GUCY1A2: variants seen among roughly 807,000 people sequenced by gnomAD.
GUCY1A2 encodes guanylate cyclase 1 soluble subunit alpha 2.
A neutral mutation model predicts 63.5 loss-of-function variants in GUCY1A2; 27 were observed. The ratio of observed to expected loss-of-function variants is 0.43; its 90% CI spans 0.31 to 0.59. The LOEUF (loss-of-function observed/expected upper bound fraction) is 0.59, where lower values mean the gene tolerates loss of function less well. Among genes scored for constraint, GUCY1A2 ranks in the 20% least tolerant of loss-of-function variants. The probability of loss-of-function intolerance (pLI) is 0.11; values close to 1 mark genes in which losing one functional copy is unlikely to be tolerated. For synonymous variants in GUCY1A2, 364 were observed against 343.5 expected (o/e 1.06, Z -0.66); for missense variants, 768 against 913.3 (o/e 0.84, Z 2.05).
intron 3 of GUCY1A2, among the ~76,000 whole-genome samples, chr11:106,960,183 T>C (rs986077093): frequency 1.3e-5 from 2 of 152,084 alleles, no homozygotes; most frequent in African/African-American, 4.8e-5. Flanking sequence ...TATAGGAGCA[T>C]TCAATAAACA....
chr11:107,015,281 T>C (rs1861804115), intron 1 of GUCY1A2, among the ~76,000 whole-genome samples: 1 of 152,136 alleles, frequency 6.6e-6, no homozygotes, highest in African/African-American at 2.4e-5. Context: ...TATAGAGCTG[T>C]TGCATTTATT....
intron 4 of GUCY1A2, among the ~76,000 whole-genome samples, chr11:106,903,482 C>T (rs1347390989): frequency 6.6e-6 from 1 of 152,126 alleles, no homozygotes; most frequent in Non-Finnish European, 1.5e-5. Flanking sequence ...ATAGAATTTA[C>T]CTTGAAGTCT....
chr11:107,004,001 C>T (rs548900779), intron 1 of GUCY1A2, among the ~76,000 whole-genome samples: 15 of 152,252 alleles, frequency 9.9e-5, no homozygotes, highest in African/African-American at 3.4e-4. Flanking sequence ...GCAAGAAGGC[C>T]TAGCTTTCTT....
intron 5 of GUCY1A2, among the ~76,000 whole-genome samples, chr11:106,783,024 G>C (rs1864493525): frequency 6.6e-6 from 1 of 152,070 alleles, no homozygotes; most frequent in African/African-American, 2.4e-5. Flanking sequence ...AACGCCCATG[G>C]GACATACTCG....
intron 6 of GUCY1A2, among the ~76,000 whole-genome samples, chr11:106,710,087 AATAT>A (rs1191616762): frequency 6.5e-3 from 670 of 103,680 alleles, no homozygotes; most frequent in Middle Eastern, 0.014. Flanking sequence ...AGTTATATAT[AATAT>A]ATAGTTATAT....
At chr11:106,746,596 C>T (rs1863791304) in intron 6 of GUCY1A2, 1 of 1,596,614 alleles carries the variant, frequency 6.3e-7, no homozygotes, top group Non-Finnish European at 8.5e-7. Context: ...GATCTGGAAC[C>T]AGCTGGATGG....
intron 5 of GUCY1A2, among the ~76,000 whole-genome samples, chr11:106,788,456 C>CTT (rs35638494): frequency 0.046 from 7,013 of 152,214 alleles, 158 homozygotes; most frequent in East Asian, 0.093. Context: ...CTCAAGAAAT[C>CTT]TGCCCACTCC....
At position 107,014,079 on chromosome 11, in the gene GUCY1A2, C is replaced by CTTTTTTTTTTT. The variant is rs71044206; in HGVS notation, c.303+3663_303+3673dup. Among the ~76,000 whole-genome samples, 5 of 70,018 alleles carry CTTTTTTTTTTT rather than the reference C, an allele frequency of 7.1e-5. 1 individual carries two copies. Among genetic ancestry groups the CTTTTTTTTTTT allele is most frequent in the African/African-American group, 1.2e-4 (2 of 16,820 alleles). 45.9% of individuals were successfully genotyped at this position (70,018 alleles called of 152,430 possible). A position where few individuals can be genotyped will look rare whatever the true frequency, so the allele number is the denominator to read the frequency against. On this transcript the variant is annotated intron_variant, in intron 1 of 7. Coordinates refer to ENST00000526355, the MANE Select transcript of GUCY1A2 (RefSeq NM_000855.3). The stretch of plus-strand genomic sequence containing the variant: ...AACTTATAATATATGCCATGTTTTC[C>CTTTTTTTTTTT]TTTTTTTTTTTTTTTTTTTTTTTTT...
chr11:106,700,008 C>A (rs1300271872), intron 7 of GUCY1A2, among the ~76,000 whole-genome samples: 3 of 152,018 alleles, frequency 2.0e-5, no homozygotes, highest in Non-Finnish European at 4.4e-5. Flanking sequence ...TGGTCTCGAT[C>A]TCCTGACTTC....
At position 106,684,599 on chromosome 11, in the gene GUCY1A2, G is replaced by A. The variant is rs74325274; in HGVS notation, c.*2950C>T. On this transcript the variant is annotated 3_prime_UTR_variant, in exon 8 of 8. Coordinates refer to ENST00000526355, the MANE Select transcript of GUCY1A2 (RefSeq NM_000855.3). ...CCATCAAAATAATCCTGATACCAAC[G>A]TGATGCTTTGGTGCTAATGGCTAGT... 376 of 199,894 alleles carry A rather than the reference G, an allele frequency of 1.9e-3. 2 individuals carry two copies. The highest frequency in any genetic ancestry group is 8.1e-3 in the African/African-American group (354 of 43,632). 12.4% of individuals were successfully genotyped at this position (199,894 alleles called of 1,614,324 possible). A position where few individuals can be genotyped will look rare whatever the true frequency, so the allele number is the denominator to read the frequency against.
At chr11:106,738,854 G>C (rs1337363003) in intron 6 of GUCY1A2, among the ~76,000 whole-genome samples, 1 of 151,926 alleles carries the variant, frequency 6.6e-6, no homozygotes, top group Non-Finnish European at 1.5e-5. Context: ...CTTTTTGCTT[G>C]GGATTGTCTT....
intron 2 of GUCY1A2, among the ~76,000 whole-genome samples, chr11:106,984,860 T>C (rs898011297): frequency 2.6e-5 from 4 of 152,184 alleles, no homozygotes; most frequent in Non-Finnish European, 5.9e-5. Context: ...CCATTTTAAA[T>C]CACTAATGGC....
intron 7 of GUCY1A2, among the ~76,000 whole-genome samples, chr11:106,689,696 T>G (rs1031336038): frequency 2.6e-5 from 4 of 152,080 alleles, no homozygotes; most frequent in African/African-American, 9.7e-5. Context: ...ATGGCTATTA[T>G]TAAAAAGCCA....
chr11:106,729,957 A>AC (rs1445532712), intron 6 of GUCY1A2, among the ~76,000 whole-genome samples: 1 of 150,756 alleles, frequency 6.6e-6, no homozygotes, highest in Admixed American at 6.6e-5. Flanking sequence ...ATGAAAAATT[A>AC]GAGTCTATTT....
intron 5 of GUCY1A2, among the ~76,000 whole-genome samples, chr11:106,781,860 G>A (rs1301473983): frequency 1.2e-4 from 18 of 151,852 alleles, no homozygotes; most frequent in Non-Finnish European, 2.5e-4. Context: ...AAGCCACCAC[G>A]CCCATCCCAT....
chr11:106,883,443 T>C (rs1859854553), intron 4 of GUCY1A2, among the ~76,000 whole-genome samples: 1 of 152,158 alleles, frequency 6.6e-6, no homozygotes. Context: ...AACATTGTAC[T>C]GGACACTGGG....
intron 7 of GUCY1A2, among the ~76,000 whole-genome samples, chr11:106,703,698 A>C (rs1242627364): frequency 1.3e-5 from 2 of 152,120 alleles, no homozygotes; most frequent in Non-Finnish European, 2.9e-5. Context: ...GAACTATAAA[A>C]TAATGTTTGT....
At chr11:106,995,893 A>G (rs1207880983) in intron 1 of GUCY1A2, among the ~76,000 whole-genome samples, 1 of 152,200 alleles carries the variant, frequency 6.6e-6, no homozygotes, top group African/African-American at 2.4e-5. Context: ...AGTCTTTCAG[A>G]CACCTTTGTG....
chr11:106,744,295 G>A (rs1367880994), intron 6 of GUCY1A2, among the ~76,000 whole-genome samples: 1 of 141,144 alleles, frequency 7.1e-6, no homozygotes, highest in African/African-American at 2.7e-5. Flanking sequence ...CACCCAGGCT[G>A]GAGTGCAGTG....
Sources: allele counts gnomAD v4.1 joint callset (sites outside exome capture counted in the v4.1 genomes callset), GRCh38; gene constraint gnomAD v4.1.1; transcripts MANE v1.5; gene names NCBI Gene and HGNC (gene_info 2026-07-23, HGNC 2026-07-21).